NAV3: variants seen among roughly 807,000 people sequenced by gnomAD.
NAV3 encodes pore membrane and/or filament interacting like protein 1.
In NAV3, 87 loss-of-function variants were observed where a neutral mutation model predicts 244.7. That is an observed-to-expected ratio of 0.36 (90% confidence interval 0.30 to 0.42). The LOEUF (loss-of-function observed/expected upper bound fraction) is 0.42, where lower values mean the gene tolerates loss of function less well. NAV3 is among the 20% of genes least tolerant of loss of function. NAV3 has a pLI of 1.00. For synonymous variants in NAV3, 1,126 were observed against 1,042.2 expected, an observed-to-expected ratio of 1.08 and a Z score of -1.55; for missense variants, 2,663 against 2,893.3, an observed-to-expected ratio of 0.92 and a Z score of 1.83.
intron 1 of NAV3, among the ~76,000 whole-genome samples, chr12:77,890,278 T>TTTTTAC (rs1333462985): frequency 6.6e-6 from 1 of 151,888 alleles, no homozygotes; most frequent in African/African-American, 2.4e-5. Context: ...TTTATTTTTA[T>TTTTTAC]TTATTTTTTG....
intron 12 of NAV3, among the ~76,000 whole-genome samples, chr12:78,075,306 A>T (rs1952990345): frequency 6.6e-6 from 1 of 152,190 alleles, no homozygotes; most frequent in South Asian, 2.1e-4. Context: ...TGGGTCTGGA[A>T]AGTTAGCTGT....
At chr12:77,872,209 C>T (rs1881074403) in intron 1 of NAV3, among the ~76,000 whole-genome samples, 1 of 152,074 alleles carries the variant, frequency 6.6e-6, no homozygotes, top group South Asian at 2.1e-4. Context: ...TTAAGAACCA[C>T]ACACATGGTA....
At chr12:77,955,846 G>A (rs1459989860) in intron 3 of NAV3, among the ~76,000 whole-genome samples, 1 of 152,032 alleles carries the variant, frequency 6.6e-6, no homozygotes, top group Admixed American at 6.6e-5. Flanking sequence ...TGCCAGCCTG[G>A]GCAATGGGAG....
chr12:77,977,740 A>ACACACT (rs386377075), intron 5 of NAV3, among the ~76,000 whole-genome samples: 7 of 145,600 alleles, frequency 4.8e-5, no homozygotes, highest in African/African-American at 1.8e-4. Flanking sequence ...ACACACACAC[A>ACACACT]CTCTCTTCAG....
chr12:77,975,243 A>G (rs1394555569), intron 5 of NAV3, among the ~76,000 whole-genome samples: 1 of 152,052 alleles, frequency 6.6e-6, no homozygotes, highest in Non-Finnish European at 1.5e-5. Flanking sequence ...ACACATCTCT[A>G]TTTCTCTCCA....
intron 3 of NAV3, among the ~76,000 whole-genome samples, chr12:77,954,376 T>C (rs1593103203): frequency 6.6e-6 from 1 of 152,172 alleles, no homozygotes; most frequent in Non-Finnish European, 1.5e-5. Context: ...GTTTAAATTA[T>C]AGTGGTAGTA....
chr12:77,677,140 G>A (rs1011209736), intron 2 of NAV3, among the ~76,000 whole-genome samples: 1 of 152,158 alleles, frequency 6.6e-6, no homozygotes, highest in African/African-American at 2.4e-5. Context: ...TCAACATGAA[G>A]TATTGAAGAG....
In NAV3 at chr12:77,740,621, A is replaced by G. The variant is rs548205476; in HGVS notation, c.72+168355A>G. Among the ~76,000 whole-genome samples, 19 of 152,290 alleles carry G rather than the reference A, an allele frequency of 1.2e-4. No homozygotes were observed. In the South Asian group the frequency reaches 3.9e-3, roughly 32 times the overall value. On this transcript the variant is annotated intron_variant, in intron 2 of 8. Transcript: ENST00000550042. ...TGTTTCCTAGTAAAGGATGTATTTC[A>G]CTCATGGTACTGTAATGATAAATCC...
At chr12:77,773,953 C>G (rs574857476) in intron 2 of NAV3, among the ~76,000 whole-genome samples, 1 of 152,224 alleles carries the variant, frequency 6.6e-6, no homozygotes, top group East Asian at 1.9e-4. Context: ...GTATTAATCA[C>G]TATTATACTT....
intron 2 of NAV3, among the ~76,000 whole-genome samples, chr12:77,712,443 C>A (rs975553015): frequency 6.6e-6 from 1 of 152,058 alleles, no homozygotes; most frequent in Non-Finnish European, 1.5e-5. Flanking sequence ...ATCCTTAAAT[C>A]AAAGCTTGTG....
intron 2 of NAV3, among the ~76,000 whole-genome samples, chr12:77,811,374 G>A (rs1872278988): frequency 6.6e-6 from 1 of 152,150 alleles, no homozygotes; most frequent in African/African-American, 2.4e-5. Context: ...ATAGTTAAGA[G>A]AGTATATTAT....
chr12:77,624,691 C>T (rs1871539197), intron 2 of NAV3, among the ~76,000 whole-genome samples: 1 of 152,134 alleles, frequency 6.6e-6, no homozygotes, highest in Admixed American at 6.6e-5. Flanking sequence ...AAAGTTTATA[C>T]ATTTTCTTCA....
At chr12:77,834,055 G>A (rs1379463483) in intron 1 of NAV3, among the ~76,000 whole-genome samples, 4 of 152,202 alleles carry the variant, frequency 2.6e-5, no homozygotes, top group African/African-American at 4.8e-5. Context: ...AGCCATTTTT[G>A]TCTCTGCCTG....
intron 2 of NAV3, among the ~76,000 whole-genome samples, chr12:77,650,325 G>C (rs575505060): frequency 2.0e-5 from 3 of 152,262 alleles, no homozygotes; most frequent in Admixed American, 1.3e-4. Flanking sequence ...GTGGAGGAGA[G>C]GGTGAATCAA....
intron 2 of NAV3, among the ~76,000 whole-genome samples, chr12:77,573,907 G>A (rs568114202): frequency 5.3e-4 from 80 of 152,234 alleles, no homozygotes; most frequent in African/African-American, 1.9e-3. Context: ...AGAATGGAAC[G>A]AATTCTTAGA....
At chr12:78,147,844 A>T (rs997233105) in intron 21 of NAV3, among the ~76,000 whole-genome samples, 5 of 152,058 alleles carry the variant, frequency 3.3e-5, no homozygotes, top group Non-Finnish European at 7.4e-5. Context: ...TATAGATAAG[A>T]TTTGTTTTTG....
chr12:77,692,474 G>A (rs1918541), intron 2 of NAV3, among the ~76,000 whole-genome samples: 123,657 of 151,950 alleles, frequency 0.81, 52,854 homozygotes, highest in East Asian at 1. Context: ...CCAATAGGCT[G>A]TACTAATGAC....
intron 2 of NAV3, among the ~76,000 whole-genome samples, chr12:77,612,116 TC>T (rs2136824050): frequency 6.6e-6 from 1 of 152,162 alleles, no homozygotes; most frequent in African/African-American, 2.4e-5. Flanking sequence ...GAGTTCATAA[TC>T]CTAGAGTAGA....
intron 2 of NAV3, among the ~76,000 whole-genome samples, chr12:77,600,944 G>A (rs1334256746): frequency 6.6e-6 from 1 of 151,888 alleles, no homozygotes; most frequent in Non-Finnish European, 1.5e-5. Context: ...TTTTAGAAAT[G>A]TATCTGTATT....
Sources: allele counts gnomAD v4.1 joint callset (sites outside exome capture counted in the v4.1 genomes callset), GRCh38; gene constraint gnomAD v4.1.1; transcripts MANE v1.5; gene names NCBI Gene and HGNC (gene_info 2026-07-23, HGNC 2026-07-21).